Variants in FRAS1 observed in about 807,000 individuals in gnomAD.
FRAS1 encodes the protein extracellular matrix organizing protein FRAS1.
A neutral mutation model predicts 435.2 loss-of-function variants in FRAS1; 290 were observed. The ratio of observed to expected loss-of-function variants is 0.67; its 90% CI spans 0.61 to 0.73. The LOEUF (loss-of-function observed/expected upper bound fraction) is 0.73, where lower values mean the gene tolerates loss of function less well. Among genes scored for constraint, FRAS1 ranks in the 30% least tolerant of loss-of-function variants. FRAS1 has a pLI of 0.00. For missense variants in FRAS1, 4,860 were observed against 5,001.5 expected (o/e 0.97, Z 0.85); for synonymous variants, 1,800 against 1,851.0 (o/e 0.97, Z 0.71).
At chr4:78,468,851 T>C (rs1482503347) in intron 50 of FRAS1, among the ~76,000 whole-genome samples, 2 of 152,218 alleles carry the variant, frequency 1.3e-5, no homozygotes, top group African/African-American at 4.8e-5. Context: ...AACAAAAGGA[T>C]CCACTTCTCA....
chr4:78,202,550 G>A (rs1723086361), intron 2 of FRAS1, among the ~76,000 whole-genome samples: 1 of 152,172 alleles, frequency 6.6e-6, no homozygotes, highest in Non-Finnish European at 1.5e-5. Flanking sequence ...AATTAGTAGA[G>A]GAAGGAGGTA....
intron 60 of FRAS1, among the ~76,000 whole-genome samples, 186 bp downstream of exon 60, chr4:78,497,147 G>A (rs1362962671): frequency 1.4e-4 from 22 of 152,126 alleles, no homozygotes; most frequent in Non-Finnish European, 2.9e-5. Flanking sequence ...AAATTCATAG[G>A]TATTTTTAAT....
At chr4:78,203,435 A>G (rs879567869) in intron 2 of FRAS1, among the ~76,000 whole-genome samples, 7 of 152,202 alleles carry the variant, frequency 4.6e-5, no homozygotes, top group Non-Finnish European at 7.3e-5. Context: ...TTTTGTGGCC[A>G]TTTTTGGTCA....
chr4:78,124,531 T>C (rs1372430763), intron 2 of FRAS1, among the ~76,000 whole-genome samples: 1 of 152,222 alleles, frequency 6.6e-6, no homozygotes, highest in Non-Finnish European at 1.5e-5. Flanking sequence ...TTGATCAGAA[T>C]AGTTTCAGAA....
intron 54 of FRAS1, among the ~76,000 whole-genome samples, chr4:78,477,539 G>A (rs1016170351): frequency 1.3e-5 from 2 of 152,164 alleles, no homozygotes; most frequent in African/African-American, 4.8e-5. Context: ...GCTATAAAGA[G>A]TTACTACATG....
intron 2 of FRAS1, among the ~76,000 whole-genome samples, chr4:78,229,002 G>T (rs1304730263): frequency 2.0e-5 from 3 of 152,132 alleles, no homozygotes; most frequent in Non-Finnish European, 4.4e-5. Context: ...TTTGCCTATT[G>T]TACCATTTTA....
At chr4:78,154,541 T>C (rs1443223591) in intron 2 of FRAS1, among the ~76,000 whole-genome samples, 1 of 152,224 alleles carries the variant, frequency 6.6e-6, no homozygotes, top group African/African-American at 2.4e-5. Context: ...TCTTCATCAC[T>C]GTACTCTCTT....
intron 2 of FRAS1, among the ~76,000 whole-genome samples, chr4:78,227,851 C>T (rs943475917): frequency 9.2e-5 from 14 of 152,140 alleles, no homozygotes; most frequent in Admixed American, 2.6e-4. Context: ...TGCTGTCATC[C>T]GTGTATCCAA....
At chr4:78,508,499 A>C (rs2109881975) in intron 62 of FRAS1, among the ~76,000 whole-genome samples, 1 of 152,322 alleles carries the variant, frequency 6.6e-6, no homozygotes, top group Admixed American at 6.5e-5. Context: ...TAGGAATAAA[A>C]CTAAAAGGAT....
chr4:78,426,095 A>G (rs1182865202), intron 35 of FRAS1, among the ~76,000 whole-genome samples: 6 of 152,254 alleles, frequency 3.9e-5, no homozygotes, highest in African/African-American at 1.2e-4. Flanking sequence ...TCTCAAAAAA[A>G]AAGTAGATGA....
At position 78,488,982 on chromosome 4, in the gene FRAS1, A is replaced by G. The variant is rs1720258422; in HGVS notation, c.8860A>G (p.Arg2954Gly). Residue 2954 changes from arginine (R) to glycine (G), a missense_variant, in exon 59 of 74, where the codon AGG (arginine) becomes GGG (glycine). By Grantham distance (125) the Arg-to-Gly change is moderately radical. Transcript: ENST00000512123. Reference sequence around the variant, plus strand: ...AGACCTGAGCTATGAGTCATCAGTGAGGTGCTATACTCAGAGCCATTCCGC... The same window carrying G: ...AGACCTGAGCTATGAGTCATCAGTGGGGTGCTATACTCAGAGCCATTCCGC... ...SGDLSYESSV[R>G]CYTQSHSAQV... The G allele has an allele frequency of 2.5e-6, 4 of 1,613,718 alleles. No individual in the cohort carries two copies. Among genetic ancestry groups the G allele is most frequent in the Non-Finnish European group, 3.4e-6 (4 of 1,179,754 alleles).
chr4:78,465,441 G>A (rs1445808105), intron 49 of FRAS1, among the ~76,000 whole-genome samples: 1 of 152,210 alleles, frequency 6.6e-6, no homozygotes, highest in African/African-American at 2.4e-5. Context: ...AGAGTATCCA[G>A]AGAAGGCCTC....
rs151102415 is a variant in FRAS1 at position 78,099,279 on chromosome 4, T to A, written c.108+33263T>A. ...CAGTACTTGAAGTGGATGAGAGAAC[T>A]TTGGGAAGGGGAACAACTAAATTTG... On this transcript the variant is annotated intron_variant, in intron 2 of 73. Transcript: ENST00000512123. Among the ~76,000 whole-genome samples, 544 of 152,252 alleles carry A rather than the reference T, an allele frequency of 3.6e-3. 4 individuals are homozygous for A. The highest frequency in any genetic ancestry group is 0.013 in the African/African-American group (521 of 41,562).
rs1732859671 is a variant in FRAS1 at position 78,400,814 on chromosome 4, C to A, written c.4056C>A (p.Ile1352=). The stretch of plus-strand genomic sequence containing the variant: ...GGATGCTGCAGATCACCAACAGAAT[C>A]TTACAGGCCGAGGCTCCTGGTGCCA... ...EGGMLQITNR[I]LQAEAPGASA... is the part of the protein sequence containing the mutation. Residue 1352 remains isoleucine (I), a synonymous_variant, in exon 30 of 74, where the codon ATC becomes ATA. Coordinates refer to ENST00000512123, the MANE Select transcript of FRAS1 (RefSeq NM_025074.7). 6.2e-7 allele frequency: 1 copy of A among 1,613,660 alleles called. No individual in the cohort carries two copies. The highest frequency in any genetic ancestry group is 1.7e-5 in the Admixed American group (1 of 59,974).
intron 2 of FRAS1, among the ~76,000 whole-genome samples, chr4:78,215,493 C>T (rs1441845142): frequency 1.3e-5 from 2 of 152,200 alleles, no homozygotes; most frequent in Non-Finnish European, 2.9e-5. Context: ...CGCACCCGGC[C>T]AATTATTTTT....
In FRAS1 at chr4:78,413,142, T is replaced by C. The variant is rs117248908; in HGVS notation, c.4425+57T>C. 8 of 997,232 alleles carry C rather than the reference T, an allele frequency of 8.0e-6. No individual in the cohort carries two copies. The East Asian group carries it at 2.2e-4, about 28-fold the overall frequency. 61.8% of individuals were successfully genotyped at this position (997,232 alleles called of 1,614,324 possible). A position where few individuals can be genotyped will look rare whatever the true frequency, so the allele number is the denominator to read the frequency against. ...TTAGAGGAGGCACACAGCACGCTGA[T>C]GGGATTTGATAGAGTGTCCTGGTTT... On this transcript the variant is annotated intron_variant, in intron 32 of 73. Transcript: ENST00000512123.
At chr4:78,195,723 G>A (rs1292479700) in intron 2 of FRAS1, among the ~76,000 whole-genome samples, 9 of 152,102 alleles carry the variant, frequency 5.9e-5, no homozygotes, top group Admixed American at 2.0e-4. Flanking sequence ...GCGCTTCCCC[G>A]GATGAGGCAA....
At position 78,267,215 on chromosome 4, in the gene FRAS1, C is replaced by T. The variant is rs375551292; in HGVS notation, c.790-26C>T. 1.0e-3 allele frequency: 1,644 copies of T among 1,607,420 alleles called. 2 individuals carry two copies. Among genetic ancestry groups the T allele is most frequent in the Non-Finnish European group, 5.6e-4 (660 of 1,175,832 alleles). On this transcript the variant is annotated intron_variant, in intron 8 of 73. Transcript: ENST00000512123. ...TGTTTCACCGTCTCCTGAGGACTGC[C>T]CCTCACCTTCCTCTCTGTGTCCTAG...
At chr4:78,075,360 C>G (rs747923778) in intron 2 of FRAS1, among the ~76,000 whole-genome samples, 12 of 152,276 alleles carry the variant, frequency 7.9e-5, no homozygotes, top group Admixed American at 3.3e-4. Context: ...GATCTGCTGA[C>G]TTAACCAGCA....
Sources: gnomAD v4.1 joint callset for allele counts (sites outside exome capture counted in the v4.1 genomes callset) on GRCh38, gnomAD v4.1.1 for gene constraint, MANE v1.5 for transcripts, NCBI Gene and HGNC (gene_info 2026-07-23, HGNC 2026-07-21) for gene names.